The following ERBB4 variants were observed in gnomAD, a reference collection of about 807,000 sequenced individuals.
ERBB4 encodes receptor tyrosine-protein kinase erbB-4.
A neutral mutation model predicts 158.0 loss-of-function variants in ERBB4; 42 were observed. That is an observed-to-expected ratio of 0.27 (90% CI 0.21 to 0.34). The LOEUF (loss-of-function observed/expected upper bound fraction) is 0.34, where lower values mean the gene tolerates loss of function less well. ERBB4 is among the 10% of genes least tolerant of loss of function. The pLI, the probability that ERBB4 is intolerant of heterozygous loss-of-function variation, is 1.00. For synonymous variants in ERBB4, 583 were observed against 558.7 expected (o/e 1.04, Z -0.61); for missense variants, 1,333 against 1,624.1 (o/e 0.82, Z 3.08).
At chr2:212,457,177 T>C (rs774947670) in intron 1 of ERBB4, among the ~76,000 whole-genome samples, 10 of 152,056 alleles carry the variant, frequency 6.6e-5, no homozygotes, top group Non-Finnish European at 1.3e-4. Flanking sequence ...CTATGAACCA[T>C]TTCAGGCTAA....
intron 1 of ERBB4, among the ~76,000 whole-genome samples, chr2:212,214,206 C>G (rs1325641837): frequency 6.6e-6 from 1 of 151,810 alleles, no homozygotes; most frequent in Non-Finnish European, 1.5e-5. Context: ...TGATTCAATA[C>G]ATCTTCCTGT....
intron 1 of ERBB4, among the ~76,000 whole-genome samples, chr2:212,328,270 G>A (rs1163108235): frequency 1.3e-5 from 2 of 151,988 alleles, no homozygotes; most frequent in South Asian, 4.1e-4. Flanking sequence ...GAAGGCTATG[G>A]CCTCATAGTA....
At chr2:212,095,721 AG>A (rs1172914434) in intron 2 of ERBB4, among the ~76,000 whole-genome samples, 6 of 152,084 alleles carry the variant, frequency 3.9e-5, no homozygotes, top group Non-Finnish European at 8.8e-5. Flanking sequence ...TCACGAGGTC[AG>A]GAGATCGAGA....
intron 2 of ERBB4, among the ~76,000 whole-genome samples, chr2:212,033,080 A>T (rs1371339105): frequency 6.6e-6 from 1 of 152,008 alleles, no homozygotes; most frequent in Non-Finnish European, 1.5e-5. Flanking sequence ...CTATTAACAC[A>T]GCTTAAAACT....
intron 2 of ERBB4, among the ~76,000 whole-genome samples, chr2:212,029,707 A>C (rs539421976): frequency 3.1e-4 from 47 of 152,270 alleles, no homozygotes; most frequent in African/African-American, 1.1e-3. Context: ...GTCTTCCAAA[A>C]GATTGCTTTC....
intron 3 of ERBB4, among the ~76,000 whole-genome samples, chr2:211,884,799 G>A (rs1051252416): frequency 2.0e-5 from 3 of 151,860 alleles, no homozygotes; most frequent in African/African-American, 4.8e-5. Context: ...TTTCCAATTG[G>A]GTTAAGTTGA....
At chr2:211,988,539 C>T (rs1010901372) in intron 2 of ERBB4, among the ~76,000 whole-genome samples, 1 of 152,046 alleles carries the variant, frequency 6.6e-6, no homozygotes, top group African/African-American at 2.4e-5. Flanking sequence ...GCTAGATATG[C>T]TTTACCTTTG....
rs2062604827 is a variant in ERBB4, at chr2:211,383,215, T to C, written c.*400A>G. ...ATCAGTTCCTGCAGATAGGAACAGA[T>C]AGCATGGGTGTTTCAACCATCTGCT... On this transcript the variant is annotated 3_prime_UTR_variant, in exon 28 of 28. Coordinates refer to ENST00000342788, the MANE Select transcript of ERBB4 (RefSeq NM_005235.3). 7.6e-6 allele frequency: 2 copies of C among 263,202 alleles called. No homozygotes were observed. Among genetic ancestry groups the C allele is most frequent in the African/African-American group, 5.4e-5 (2 of 36,716 alleles). The allele number at this position is 263,202 out of a possible 1,614,324, so 16.3% of individuals were successfully genotyped here.
chr2:211,683,649 T>C (rs539038241), intron 12 of ERBB4, among the ~76,000 whole-genome samples: 4 of 152,234 alleles, frequency 2.6e-5, no homozygotes, highest in South Asian at 4.1e-4. Context: ...AACATTTGTG[T>C]ATATGATTTT....
intron 1 of ERBB4, among the ~76,000 whole-genome samples, chr2:212,222,963 C>CT (rs2083346329): frequency 6.6e-6 from 1 of 151,340 alleles, no homozygotes; most frequent in Non-Finnish European, 1.5e-5. Flanking sequence ...GATGCATATG[C>CT]TTTTGCTTTT....
intron 2 of ERBB4, among the ~76,000 whole-genome samples, chr2:212,069,535 A>G (rs1425212443): frequency 6.6e-6 from 1 of 152,094 alleles, no homozygotes; most frequent in African/African-American, 2.4e-5. Flanking sequence ...TTCTGCTTCT[A>G]TTAAATATTG....
intron 19 of ERBB4, among the ~76,000 whole-genome samples, chr2:211,581,521 T>A (rs138971753): frequency 7.2e-5 from 11 of 152,232 alleles, no homozygotes; most frequent in Admixed American, 3.3e-4. Context: ...GATCTACAAG[T>A]CAGATTTAAA....
chr2:211,559,309 G>A (rs1045977646), intron 20 of ERBB4, among the ~76,000 whole-genome samples: 19 of 152,072 alleles, frequency 1.2e-4, no homozygotes, highest in African/African-American at 4.1e-4. Flanking sequence ...TAGACTGCAT[G>A]ATCTATTTAG....
intron 1 of ERBB4, among the ~76,000 whole-genome samples, chr2:212,142,183 C>T (rs935617408): frequency 6.6e-6 from 1 of 152,142 alleles, no homozygotes; most frequent in Non-Finnish European, 1.5e-5. Context: ...TGAGTAGCAT[C>T]ATTTCAAAAC....
At chr2:212,405,420 G>C (rs2091318036) in intron 1 of ERBB4, among the ~76,000 whole-genome samples, 1 of 152,064 alleles carries the variant, frequency 6.6e-6, no homozygotes, top group Non-Finnish European at 1.5e-5. Context: ...GTGGAAAGCA[G>C]TACAGTGATT....
chr2:212,477,892 C>T (rs1466468054), intron 1 of ERBB4, among the ~76,000 whole-genome samples: 1 of 152,116 alleles, frequency 6.6e-6, no homozygotes, highest in East Asian at 1.9e-4. Context: ...TCTGGCATCT[C>T]TCTTGCAATG....
chr2:211,477,297 A>ATCTCTCTCTCTCTCTTTG (rs1553542684), intron 20 of ERBB4, among the ~76,000 whole-genome samples: 6 of 151,008 alleles, frequency 4.0e-5, no homozygotes, highest in Non-Finnish European at 7.4e-5. Flanking sequence ...ATTCCTTAAA[A>ATCTCTCTCTCTCTCTTTG]TCTCTCTCTC....
intron 3 of ERBB4, among the ~76,000 whole-genome samples, chr2:211,865,631 G>A (rs1311176629): frequency 1.3e-5 from 2 of 152,030 alleles, no homozygotes; most frequent in Non-Finnish European, 2.9e-5. Flanking sequence ...GGGATTTTCT[G>A]TCTACTTGAA....
chr2:211,486,063 C>T (rs1298031126), intron 20 of ERBB4, among the ~76,000 whole-genome samples: 10 of 151,986 alleles, frequency 6.6e-5, no homozygotes, highest in African/African-American at 2.4e-4. Context: ...AGAAGCTTGG[C>T]TCTATAGTTG....
Sources: gnomAD v4.1 joint callset for allele counts (sites outside exome capture counted in the v4.1 genomes callset) on GRCh38, gnomAD v4.1.1 for gene constraint, MANE v1.5 for transcripts, NCBI Gene and HGNC (gene_info 2026-07-23, HGNC 2026-07-21) for gene names.